The following SLC9B1 variants were observed in gnomAD, a reference collection of about 807,000 sequenced individuals.
The protein encoded by SLC9B1 is sodium/hydrogen exchanger 9B1.
SLC9B1 carries 32 observed loss-of-function variants against 51.7 expected under a neutral mutation model. That is an observed-to-expected ratio of 0.62 (90% confidence interval 0.47 to 0.83). The LOEUF (loss-of-function observed/expected upper bound fraction) is 0.83. Among genes scored for constraint, SLC9B1 ranks in the 40% least tolerant of loss-of-function variants. The probability of loss-of-function intolerance (pLI) is 0.00; values close to 1 mark genes in which losing one functional copy is unlikely to be tolerated. For missense variants in SLC9B1, 406 were observed against 613.2 expected, an observed-to-expected ratio of 0.66 and a Z score of 3.57; for synonymous variants, 145 against 212.7, an observed-to-expected ratio of 0.68 and a Z score of 2.77.
chr4:102,957,780 A>G (rs147282903), intron 3 of SLC9B1, among the ~76,000 whole-genome samples: 1,634 of 149,986 alleles, frequency 0.011, 35 homozygotes, highest in African/African-American at 0.038. Flanking sequence ...GTATGTGTGT[A>G]TATGTGTGTG....
At chr4:102,888,929 T>C (rs1734082974) in intron 11 of SLC9B1, 2 of 152,252 alleles carry the variant, frequency 1.3e-5, no homozygotes, top group Non-Finnish European at 2.9e-5. Flanking sequence ...AAGATACAGT[T>C]TATTCAGTTC....
intron 1 of SLC9B1, among the ~76,000 whole-genome samples, chr4:103,007,748 A>G (rs557875763): frequency 1.3e-5 from 2 of 151,632 alleles, no homozygotes; most frequent in African/African-American, 4.8e-5. Flanking sequence ...GGGACTACAG[A>G]CATGTCATGT....
intron 1 of SLC9B1, among the ~76,000 whole-genome samples, chr4:103,013,976 T>C (rs1741199652): frequency 6.6e-6 from 1 of 152,206 alleles, no homozygotes; most frequent in African/African-American, 2.4e-5. Flanking sequence ...CTCAATGTAA[T>C]TTTCACAATG....
chr4:102,896,373 A>AT (rs1734538181), downstream of SLC9B1, among the ~76,000 whole-genome samples: 1 of 152,016 alleles, frequency 6.6e-6, no homozygotes, highest in Non-Finnish European at 1.5e-5. Context: ...TATTTTTCTC[A>AT]CTTTTTTCTA....
At chr4:102,925,699 C>CAAA (rs3974607) in intron 7 of SLC9B1, among the ~76,000 whole-genome samples, 4 of 137,346 alleles carry the variant, frequency 2.9e-5, no homozygotes, top group Admixed American at 7.2e-5. Context: ...TTCTTTTGTC[C>CAAA]AAAAAAAAAA....
intron 6 of SLC9B1, among the ~76,000 whole-genome samples, chr4:102,939,029 A>G (rs1056199242): frequency 5.9e-5 from 9 of 152,038 alleles, no homozygotes; most frequent in South Asian, 2.1e-4. Context: ...CCAAAATCAG[A>G]GCAGAATGGA....
At chr4:102,995,124 G>C (rs748655234) in intron 1 of SLC9B1, among the ~76,000 whole-genome samples, 1 of 152,076 alleles carries the variant, frequency 6.6e-6, no homozygotes, top group Non-Finnish European at 1.5e-5. Flanking sequence ...ATTTTGAGGA[G>C]AGGACACAAA....
intron 1 of SLC9B1, among the ~76,000 whole-genome samples, chr4:103,016,178 T>C (rs1285115316): frequency 6.8e-6 from 1 of 147,450 alleles, no homozygotes; most frequent in Non-Finnish European, 1.5e-5. Flanking sequence ...TATATGTTCA[T>C]GTTCCTACCT....
intron 1 of SLC9B1, among the ~76,000 whole-genome samples, chr4:103,011,006 T>C (rs1189228825): frequency 2.0e-5 from 3 of 152,150 alleles, no homozygotes; most frequent in African/African-American, 7.2e-5. Flanking sequence ...AACTCAAAAG[T>C]CCAGAGTCCA....
intron 6 of SLC9B1, among the ~76,000 whole-genome samples, chr4:102,937,436 A>C (rs1406093444): frequency 8.1e-5 from 12 of 148,220 alleles, no homozygotes; most frequent in African/African-American, 2.5e-4. Flanking sequence ...AAAAAAAAAA[A>C]AAAAACTTGG....
chr4:102,898,286 A>C (rs1010788454), downstream of SLC9B1: 9 of 465,884 alleles, frequency 1.9e-5, no homozygotes, highest in Non-Finnish European at 2.9e-5. Flanking sequence ...TCACTGAAGA[A>C]AAAATCTCAA....
intron 7 of SLC9B1, among the ~76,000 whole-genome samples, chr4:102,924,779 A>G (rs1269253109): frequency 6.6e-6 from 1 of 152,290 alleles, no homozygotes. Context: ...GAAGACATCT[A>G]TGCAGCCAAC....
At position 102,954,409 on chromosome 4, in the gene SLC9B1, T is replaced by C. The variant is rs1476078567; in HGVS notation, c.212-4982A>G. 2.2e-5 allele frequency among the ~76,000 whole-genome samples: 2 copies of C among 90,214 alleles called. 1 individual carries two copies. Among genetic ancestry groups the C allele is most frequent in the Admixed American group, 2.4e-4 (2 of 8,188 alleles). The allele number at this position is 90,214 out of a possible 152,430, so 59.2% of individuals were successfully genotyped here. A position where few individuals can be genotyped will look rare whatever the true frequency, so the allele number is the denominator to read the frequency against. On this transcript the variant is annotated intron_variant, in intron 3 of 11. Coordinates refer to ENST00000296422, the MANE Select transcript of SLC9B1 (RefSeq NM_139173.4). The stretch of plus-strand genomic sequence containing the variant: ...TTGAGGATTTTTGCATCAATGTTCA[T>C]CAAGGATATTGGTCTAAAATTCTCT...
chr4:103,018,692 C>G (rs1047093706), intron 1 of SLC9B1, among the ~76,000 whole-genome samples: 3 of 152,048 alleles, frequency 2.0e-5, no homozygotes. Context: ...GGTATGGTCC[C>G]GTGAAGAGCT....
At chr4:102,946,515 CT>C in intron 5 of SLC9B1, 131 bp downstream of exon 5, 16 of 1,023,972 alleles carry the variant, frequency 1.6e-5, no homozygotes, top group East Asian at 2.8e-5. Flanking sequence ...CATGCCCGGC[CT>C]TTTTTTCTTT....
intron 11 of SLC9B1, chr4:102,889,007 A>ATTG (rs1375317868): frequency 8.5e-5 from 13 of 152,230 alleles, no homozygotes; most frequent in African/African-American, 3.1e-4. Context: ...AATAAAACTA[A>ATTG]TTGTTATTGG....
intron 3 of SLC9B1, among the ~76,000 whole-genome samples, chr4:102,961,564 T>A (rs1170475930): frequency 6.6e-6 from 1 of 152,250 alleles, no homozygotes; most frequent in Non-Finnish European, 1.5e-5. Context: ...TTTATTTATT[T>A]ATTTATTTGG....
At chr4:103,001,739 T>C (rs1740533910) in intron 1 of SLC9B1, among the ~76,000 whole-genome samples, 1 of 152,230 alleles carries the variant, frequency 6.6e-6, no homozygotes, top group Non-Finnish European at 1.5e-5. Flanking sequence ...CACCTCTACC[T>C]GTTACCCAGT....
chr4:102,946,123 GC>G (rs982607749), intron 5 of SLC9B1, among the ~76,000 whole-genome samples: 1 of 152,102 alleles, frequency 6.6e-6, no homozygotes, highest in African/African-American at 2.4e-5. Context: ...CCATAGAAGA[GC>G]CTCCCAAATA....
Sources: allele counts gnomAD v4.1 joint callset (sites outside exome capture counted in the v4.1 genomes callset), GRCh38; gene constraint gnomAD v4.1.1; transcripts MANE v1.5; gene names NCBI Gene and HGNC (gene_info 2026-07-23, HGNC 2026-07-21).